The following ANG variants were observed in gnomAD, a reference collection of about 807,000 sequenced individuals.
ANG encodes Homo sapiens epididymis luminal protein 168.
For missense variants in ANG, 178 were observed against 187.4 expected (o/e 0.95, Z 0.29); for synonymous variants, 74 against 73.8 (o/e 1.00, Z -0.02).
upstream of ANG, among the ~76,000 whole-genome samples, chr14:20,686,664 GCAGGAC>G (rs1886440847): frequency 6.6e-6 from 1 of 152,230 alleles, no homozygotes; most frequent in African/African-American, 2.4e-5. Context: ...AGGCATGTCA[GCAGGAC>G]TTTGTCCCCA....
upstream of ANG, among the ~76,000 whole-genome samples, chr14:20,685,394 GAA>G (rs1378063787): frequency 6.6e-6 from 1 of 152,110 alleles, no homozygotes. Flanking sequence ...GGGGGCTAGG[GAA>G]ATCTCAGATG....
At chr14:20,692,484 TCC>T (rs1307095857) in intron 1 of ANG, among the ~76,000 whole-genome samples, 1 of 152,254 alleles carries the variant, frequency 6.6e-6, no homozygotes, top group Non-Finnish European at 1.5e-5. Flanking sequence ...CTGTGGCCTG[TCC>T]GCCTAAGCTC....
At chr14:20,691,724 C>T (rs1472410547) in intron 1 of ANG, among the ~76,000 whole-genome samples, 1 of 152,194 alleles carries the variant, frequency 6.6e-6, no homozygotes, top group African/African-American at 2.4e-5. Context: ...TTTTTTCATT[C>T]CACAATAATG....
upstream of ANG, among the ~76,000 whole-genome samples, chr14:20,686,039 T>TA (rs11378368): frequency 0.13 from 17,764 of 137,726 alleles, 1,424 homozygotes; most frequent in African/African-American, 0.24. Flanking sequence ...GACTCCGTCT[T>TA]AAAAAAAAAA....
chr14:20,687,453 T>C (rs1886478690), upstream of ANG, among the ~76,000 whole-genome samples: 1 of 152,210 alleles, frequency 6.6e-6, no homozygotes, highest in African/African-American at 2.4e-5. Flanking sequence ...GGTGCTTGAA[T>C]TGGTGCTTCA....
Position 20,693,895 on chromosome 14 carries a change from T to TC in ANG, c.336dup (p.Trp113LeufsTer20). ...CACCACTTGCAAGCTACATGGAGGT[T>TC]CCCCCTGGCCTCCATGCCAGTACCG... On this transcript the variant is annotated frameshift_variant, in exon 2 of 2. Coordinates refer to ENST00000397990, the MANE Select transcript of ANG (RefSeq NM_001097577.3). LOFTEE classifies it low-confidence loss of function (END_TRUNC). The TC allele has an allele frequency of 6.2e-7, 1 of 1,614,074 alleles. No homozygotes were observed. Among genetic ancestry groups the TC allele is most frequent in the Non-Finnish European group, 8.5e-7 (1 of 1,179,994 alleles).
chr14:20,687,458 G>A (rs1886479134), upstream of ANG, among the ~76,000 whole-genome samples: 1 of 152,172 alleles, frequency 6.6e-6, no homozygotes, highest in African/African-American at 2.4e-5. Context: ...TTGAATTGGT[G>A]CTTCAGGCCA....
intron 1 of ANG, among the ~76,000 whole-genome samples, chr14:20,691,437 T>C (rs1886739821): frequency 6.6e-6 from 1 of 152,204 alleles, no homozygotes. Flanking sequence ...CCCAGGAGAC[T>C]GAAAAGCATG....
chr14:20,691,234 T>C (rs1370102577), intron 1 of ANG, among the ~76,000 whole-genome samples: 1 of 152,222 alleles, frequency 6.6e-6, no homozygotes, highest in African/African-American at 2.4e-5. Flanking sequence ...TTTTAGGTAC[T>C]AGCAGCTCTG....
At chr14:20,689,211 G>A (rs1886570480) in intron 1 of ANG, among the ~76,000 whole-genome samples, 1 of 152,212 alleles carries the variant, frequency 6.6e-6, no homozygotes, top group African/African-American at 2.4e-5. Flanking sequence ...GGCTTAACAA[G>A]GAAAGAAACA....
chr14:20,693,442 A>G (rs1886907775), intron 1 of ANG, 105 bp from the exon 2 acceptor site: 3 of 1,458,238 alleles, frequency 2.1e-6, no homozygotes, highest in East Asian at 2.3e-5. Context: ...GTGGTGGAAA[A>G]GATCTGATTC....
Position 20,693,982 on chromosome 14 carries a change from GATCA to G in ANG, c.419_422del (p.Asp140GlyfsTer53). 6.2e-7 allele frequency: 1 copy of G among 1,614,058 alleles called. No individual in the cohort carries two copies. ...TGAAAATGGCTTACCTGTCCACTTGGATCAGTCAATTTTCCGTCGTCCGTAACCA... is the reference window on the plus strand; with the variant it reads ...TGAAAATGGCTTACCTGTCCACTTGGGTCAATTTTCCGTCGTCCGTAACCA... On this transcript the variant is annotated frameshift_variant, in exon 2 of 2. Transcript: ENST00000397990. LOFTEE classifies it high-confidence loss of function.
intron 1 of ANG, among the ~76,000 whole-genome samples, chr14:20,692,403 G>A (rs187214991): frequency 6.6e-6 from 1 of 152,172 alleles, no homozygotes; most frequent in African/African-American, 2.4e-5. Context: ...GAAGCCTGTC[G>A]TAAACAATTT....
At chr14:20,685,645 T>G (rs1886387494), upstream of ANG, among the ~76,000 whole-genome samples, 1 of 152,218 alleles carries the variant, frequency 6.6e-6, no homozygotes, top group African/African-American at 2.4e-5. Context: ...AAATAATTTT[T>G]GAATTTATGG....
chr14:20,693,797 A>G lies in ANG; in HGVS notation c.233A>G (p.Lys78Arg), dbSNP rs758743573. The stretch of plus-strand genomic sequence containing the variant: ...ATTCATGGCAACAAGCGCAGCATCA[A>G]GGCCATCTGTGAAAACAAGAATGGA... ...TFIHGNKRSI[K>R]AICENKNGNP... The change falls in exon 2 of 2, where the codon AAG becomes AGG. Residue 78 changes from lysine to arginine, a missense_variant. Physicochemically the swap from Lys to Arg is conservative, Grantham distance 26 (BLOSUM62 2). Coordinates refer to ENST00000397990, the MANE Select transcript of ANG (RefSeq NM_001097577.3). 6 of 1,614,214 alleles carry G rather than the reference A, an allele frequency of 3.7e-6. No homozygotes were observed. In the South Asian group the frequency reaches 5.5e-5, roughly 15 times the overall value.
At chr14:20,692,835 A>G (rs1886840460) in intron 1 of ANG, among the ~76,000 whole-genome samples, 1 of 151,976 alleles carries the variant, frequency 6.6e-6, no homozygotes, top group Admixed American at 6.6e-5. Flanking sequence ...TTAGGGAGGC[A>G]TTTTTTTATT....
intron 1 of ANG, among the ~76,000 whole-genome samples, chr14:20,692,538 G>A (rs1267913344): frequency 6.6e-6 from 1 of 152,218 alleles, no homozygotes; most frequent in Admixed American, 6.5e-5. Context: ...ATTCTCATAG[G>A]AGCTGGACGC....
chr14:20,688,356 A>T (rs999480901), upstream of ANG, among the ~76,000 whole-genome samples: 1 of 152,254 alleles, frequency 6.6e-6, no homozygotes, highest in African/African-American at 2.4e-5. Flanking sequence ...AGGATGTGAT[A>T]TGATAAATGA....
chr14:20,688,638 A>T, upstream of ANG: 1 of 963,068 alleles, frequency 1.0e-6, no homozygotes, highest in Non-Finnish European at 1.2e-6. Flanking sequence ...GTTAATATCT[A>T]ACCCAATCAT....
Sources: allele counts gnomAD v4.1 joint callset (sites outside exome capture counted in the v4.1 genomes callset), GRCh38; gene constraint gnomAD v4.1.1; transcripts MANE v1.5; gene names NCBI Gene and HGNC (gene_info 2026-07-23, HGNC 2026-07-21).